Variants in LAMC3 observed in about 807,000 individuals in gnomAD.
LAMC3 encodes laminin subunit gamma-3.
LAMC3 carries 128 observed loss-of-function variants against 173.8 expected under a neutral mutation model. The observed-to-expected ratio is 0.74, with a 90% CI of 0.64 to 0.85. LAMC3 has a LOEUF of 0.85. LAMC3 is among the 40% of genes least tolerant of loss of function. The pLI, the probability that LAMC3 is intolerant of heterozygous loss-of-function variation, is 0.00. For synonymous variants in LAMC3, 897 were observed against 909.1 expected, an observed-to-expected ratio of 0.99 and a Z score of 0.24; for missense variants, 2,022 against 2,156.0, an observed-to-expected ratio of 0.94 and a Z score of 1.23.
chr9:131,012,507 C>T (rs1307288921), intron 1 of LAMC3, among the ~76,000 whole-genome samples: 8 of 152,236 alleles, frequency 5.3e-5, no homozygotes, highest in East Asian at 1.9e-4. Flanking sequence ...TCGTCCCGGC[C>T]GCCCTGCCTC....
chr9:131,072,562 C>A, intron 18 of LAMC3, 68 bp from the exon 19 acceptor site: 1 of 1,398,112 alleles, frequency 7.2e-7, no homozygotes, highest in Non-Finnish European at 9.9e-7. Flanking sequence ...AAGGGGACCC[C>A]TGGGGGTGGG....
chr9:131,043,624 G>A (rs1834096174), intron 7 of LAMC3, among the ~76,000 whole-genome samples: 1 of 152,230 alleles, frequency 6.6e-6, no homozygotes, highest in Non-Finnish European at 1.5e-5. Context: ...AATCCATACT[G>A]ATGTAAATAG....
At chr9:131,081,597 C>T (rs972687477) in intron 23 of LAMC3, among the ~76,000 whole-genome samples, 2 of 152,132 alleles carry the variant, frequency 1.3e-5, no homozygotes, top group Non-Finnish European at 2.9e-5. Context: ...CAGCCTCCCC[C>T]AGTAGCTGGG....
rs369490493 is a variant in LAMC3 at position 131,067,190 on chromosome 9, G to T, written c.2578G>T (p.Ala860Ser). 3 of 1,613,914 alleles carry T rather than the reference G, an allele frequency of 1.9e-6. No homozygotes were observed. The highest frequency in any genetic ancestry group is 1.1e-5 in the South Asian group (1 of 91,086). Reference protein sequence around the residue: ...FYGSALAPRPADKCMPCSCHP... With the variant: ...FYGSALAPRPSDKCMPCSCHP... ...CGGGAGCGCCCTGGCCCCTCGACCC[G>T]CAGACAAATGCATGCGTGAGTACCT... The change falls in exon 14 of 28, where the codon GCA becomes TCA. Residue 860 changes from alanine to serine, a missense_variant. Transcript: ENST00000361069.
In LAMC3 at chr9:131,087,186, T is replaced by G. The variant is rs77452476; in HGVS notation, c.4231-290T>G. Among the ~76,000 whole-genome samples, 27,824 of 152,236 alleles carry G rather than the reference T, an allele frequency of 0.18. 2,660 individuals carry two copies. The highest frequency in any genetic ancestry group is 0.27 in the South Asian group (1,294 of 4,824). ...TTGCAGTAGGGGTCCCCGGGCTTGA[T>G]CTCTTGTCATGCCCCTCGGGCTTTG... On this transcript the variant is annotated intron_variant, in intron 25 of 27. Transcript: ENST00000361069.
chr9:131,066,313 A>G (rs1348041119), intron 13 of LAMC3, among the ~76,000 whole-genome samples: 1 of 151,942 alleles, frequency 6.6e-6, no homozygotes, highest in African/African-American at 2.4e-5. Flanking sequence ...CAACATGGTG[A>G]AACCCCGTCT....
chr9:131,052,200 C>T (rs990179741), intron 9 of LAMC3, among the ~76,000 whole-genome samples: 2 of 152,140 alleles, frequency 1.3e-5, no homozygotes, highest in Admixed American at 6.6e-5. Flanking sequence ...TCCGTTCACC[C>T]TCGGACTCCG....
intron 11 of LAMC3, among the ~76,000 whole-genome samples, chr9:131,055,526 G>A (rs1834385611): frequency 1.4e-5 from 2 of 141,754 alleles, no homozygotes; most frequent in African/African-American, 2.6e-5. Context: ...CCGGGTTCAT[G>A]TCATCCTCCT....
At chr9:131,047,669 C>G (rs941983272) in intron 8 of LAMC3, among the ~76,000 whole-genome samples, 4 of 151,110 alleles carry the variant, frequency 2.6e-5, no homozygotes, top group African/African-American at 9.7e-5. Flanking sequence ...TCGAGACCAG[C>G]CTGGCCAACA....
intron 2 of LAMC3, among the ~76,000 whole-genome samples, 188 bp from the exon 3 acceptor site, chr9:131,031,857 C>T (rs1046998358): frequency 6.6e-6 from 1 of 152,216 alleles, no homozygotes; most frequent in Non-Finnish European, 1.5e-5. Context: ...GCCTAGCACC[C>T]AGGTTGGGGT....
chr9:131,013,375 G>A (rs1281159835), intron 1 of LAMC3, among the ~76,000 whole-genome samples: 1 of 152,120 alleles, frequency 6.6e-6, no homozygotes, highest in Non-Finnish European at 1.5e-5. Context: ...AGAATCTCCT[G>A]GAACCACAAA....
chr9:131,050,955 TTCTGGAGGCCGAATCGGAGTGCAGCC>T (rs1834272434), intron 9 of LAMC3, among the ~76,000 whole-genome samples: 1 of 152,044 alleles, frequency 6.6e-6, no homozygotes, highest in South Asian at 2.1e-4. Flanking sequence ...TGGTGATTGA[TTCTGGAGGCCGAATCGGAGTGCAGCC>T]GGGGCATGTG....
intron 23 of LAMC3, among the ~76,000 whole-genome samples, 194 bp from the exon 24 acceptor site, chr9:131,081,865 C>G (rs754084216): frequency 4.6e-5 from 7 of 152,224 alleles, no homozygotes; most frequent in Non-Finnish European, 5.9e-5. Context: ...GGACAGGTAT[C>G]TCTTGGGAGA....
rs760208187 is a variant in LAMC3 at position 131,091,809 on chromosome 9, C to T, written c.*22C>T. ...GTGAGGGCTGCCCAGATCCCCGGCA[C>T]ACACTCCCCCACCTGCTGTTTACAT... is the stretch of plus-strand genomic sequence containing the variant. On this transcript the variant is annotated 3_prime_UTR_variant, in exon 28 of 28. Transcript: ENST00000361069. The T allele has an allele frequency of 1.2e-5, 19 of 1,610,006 alleles. No homozygotes were observed. In the East Asian group the frequency reaches 4.0e-4, roughly 34 times the overall value.
intron 12 of LAMC3, among the ~76,000 whole-genome samples, chr9:131,058,606 G>A (rs1329051907): frequency 6.6e-6 from 1 of 151,964 alleles, no homozygotes; most frequent in African/African-American, 2.4e-5. Flanking sequence ...TTCCTGAAAA[G>A]ACGGTAGCCA....
At chr9:131,047,135 T>A (rs1834181524) in intron 8 of LAMC3, among the ~76,000 whole-genome samples, 1 of 148,710 alleles carries the variant, frequency 6.7e-6, no homozygotes, top group Admixed American at 6.7e-5. Flanking sequence ...TGCGCAGGAG[T>A]TCTCAAAACT....
chr9:131,070,967 G>A (rs1265773678), intron 17 of LAMC3, among the ~76,000 whole-genome samples: 2 of 152,174 alleles, frequency 1.3e-5, no homozygotes. Context: ...CAGGGCCCAG[G>A]ACCTGTGCCT....
At chr9:131,010,095 C>T (rs1045812050) in intron 1 of LAMC3, among the ~76,000 whole-genome samples, 1 of 140,392 alleles carries the variant, frequency 7.1e-6, no homozygotes, top group Non-Finnish European at 1.5e-5. Context: ...TGGAGGTTGC[C>T]GTGAGCCGAG....
At chr9:131,022,127 C>T (rs1002982473) in intron 1 of LAMC3, among the ~76,000 whole-genome samples, 1 of 152,020 alleles carries the variant, frequency 6.6e-6, no homozygotes, top group Non-Finnish European at 1.5e-5. Context: ...AAGGCAGAGG[C>T]CTGCCCCTGA....
Sources: allele counts gnomAD v4.1 joint callset (sites outside exome capture counted in the v4.1 genomes callset), GRCh38; gene constraint gnomAD v4.1.1; transcripts MANE v1.5; gene names NCBI Gene and HGNC (gene_info 2026-07-23, HGNC 2026-07-21).